GRK4: variants seen among roughly 807,000 people sequenced by gnomAD.
GRK4 encodes the protein G protein-coupled receptor kinase 4, also known as G protein-coupled receptor kinase 2-like.
In GRK4, 73 loss-of-function variants were observed where a neutral mutation model predicts 77.9. That is an observed-to-expected ratio of 0.94 (90% CI 0.78 to 1.14). The LOEUF (loss-of-function observed/expected upper bound fraction) is 1.14, where lower values mean the gene tolerates loss of function less well. Ranked by LOEUF, GRK4 falls within the 50% of genes most tolerant of loss-of-function variation. GRK4 has a pLI of 0.00. For missense variants in GRK4, 729 were observed against 700.2 expected, an observed-to-expected ratio of 1.04 and a Z score of -0.46; for synonymous variants, 257 against 254.4, an observed-to-expected ratio of 1.01 and a Z score of -0.10.
intron 10 of GRK4, among the ~76,000 whole-genome samples, chr4:3,026,007 G>A (rs183119553): frequency 1.3e-5 from 2 of 152,348 alleles, no homozygotes; most frequent in Admixed American, 1.3e-4. Flanking sequence ...TCCTGCAGGC[G>A]AACCTGACCT....
chr4:3,005,664 C>G (rs1731104991), intron 5 of GRK4, among the ~76,000 whole-genome samples: 1 of 152,050 alleles, frequency 6.6e-6, no homozygotes, highest in Non-Finnish European at 1.5e-5. Flanking sequence ...ATTAGCCAGG[C>G]CTGGGGGTGT....
At chr4:2,984,823 T>A (rs1474097079) in intron 2 of GRK4, among the ~76,000 whole-genome samples, 1 of 152,036 alleles carries the variant, frequency 6.6e-6, no homozygotes, top group Non-Finnish European at 1.5e-5. Flanking sequence ...AAATATATAT[T>A]TTTTATAGAG....
chr4:3,025,879 C>T (rs998823745), intron 10 of GRK4, among the ~76,000 whole-genome samples: 1 of 152,184 alleles, frequency 6.6e-6, no homozygotes, highest in Non-Finnish European at 1.5e-5. Context: ...GTTCCCCACT[C>T]ATTTCTTAAA....
intron 1 of GRK4, chr4:2,971,081 C>A (rs146378412): frequency 1.2e-4 from 19 of 152,238 alleles, no homozygotes; most frequent in African/African-American, 4.6e-4. Flanking sequence ...TCAAAAAACT[C>A]TAGAATTAGG....
intron 10 of GRK4, among the ~76,000 whole-genome samples, chr4:3,025,048 A>G (rs1157303322): frequency 6.6e-6 from 1 of 151,912 alleles, no homozygotes; most frequent in Non-Finnish European, 1.5e-5. Flanking sequence ...AGGCAGGTGG[A>G]TCACCTGAAG....
chr4:2,984,821 A>G (rs1463412795), intron 2 of GRK4, among the ~76,000 whole-genome samples: 2 of 151,916 alleles, frequency 1.3e-5, no homozygotes, highest in African/African-American at 2.4e-5. Flanking sequence ...AAAAATATAT[A>G]TTTTTTATAG....
chr4:2,975,424 G>A (rs1303866138), intron 1 of GRK4, among the ~76,000 whole-genome samples: 4 of 152,180 alleles, frequency 2.6e-5, no homozygotes, highest in Admixed American at 2.6e-4. Context: ...ATATACCGTG[G>A]GGGAGCAGAG....
chr4:2,977,289 A>G (rs61791216), intron 1 of GRK4, among the ~76,000 whole-genome samples: 1 of 152,122 alleles, frequency 6.6e-6, no homozygotes, highest in Non-Finnish European at 1.5e-5. Context: ...TGTTTGCTAG[A>G]GCGTGGGGCT....
At chr4:2,984,653 T>C (rs375602686) in intron 2 of GRK4, 45 bp downstream of exon 2, 2 of 1,006,610 alleles carry the variant, frequency 2.0e-6, no homozygotes, top group Non-Finnish European at 3.0e-6. Context: ...ACATCTGGCA[T>C]GATACCATTC....
intron 7 of GRK4, among the ~76,000 whole-genome samples, chr4:3,011,325 A>G (rs1732852598): frequency 6.6e-6 from 1 of 152,200 alleles, no homozygotes; most frequent in Admixed American, 6.5e-5. Context: ...TCACGCCTGT[A>G]ATCCTAGCAC....
At chr4:3,039,978 T>C (rs1741946381) in intron 15 of GRK4, among the ~76,000 whole-genome samples, 1 of 152,120 alleles carries the variant, frequency 6.6e-6, no homozygotes, top group Non-Finnish European at 1.5e-5. Flanking sequence ...GTGAAGCCCA[T>C]TCTCCCCACA....
At chr4:2,988,246 TC>T (rs941224368) in intron 2 of GRK4, among the ~76,000 whole-genome samples, 3 of 152,054 alleles carry the variant, frequency 2.0e-5, no homozygotes, top group Non-Finnish European at 4.4e-5. Flanking sequence ...TCTTTATTTT[TC>T]ATTGAATCTA....
At chr4:3,019,078 G>A (rs1481909540) in intron 8 of GRK4, among the ~76,000 whole-genome samples, 1 of 152,028 alleles carries the variant, frequency 6.6e-6, no homozygotes, top group Non-Finnish European at 1.5e-5. Context: ...TAGAAAAATG[G>A]GGGGAAAATA....
At chr4:3,027,003 G>A (rs1737766898) in intron 10 of GRK4, among the ~76,000 whole-genome samples, 1 of 152,158 alleles carries the variant, frequency 6.6e-6, no homozygotes, top group Admixed American at 6.5e-5. Context: ...TTCCAGGGCT[G>A]GCTAATCTTT....
In GRK4 at chr4:3,016,578, G is replaced by A. The variant is rs528097774; in HGVS notation, c.741+2750G>A. Among the ~76,000 whole-genome samples, 6 of 140,810 alleles carry A rather than the reference G, an allele frequency of 4.3e-5. No homozygotes were observed. The South Asian group carries it at 8.7e-4, about 20-fold the overall frequency. 92.4% of individuals were successfully genotyped at this position (140,810 alleles called of 152,430 possible). ...TAGCCAGGCATGGTGGTGTGTGACT[G>A]TAGTCCCAGCTACTCAGAAGGCTGT... On this transcript the variant is annotated intron_variant, in intron 8 of 15. Transcript: ENST00000398052.
intron 9 of GRK4, among the ~76,000 whole-genome samples, chr4:3,020,990 G>C (rs1218969361): frequency 2.6e-5 from 4 of 152,064 alleles, no homozygotes; most frequent in African/African-American, 9.7e-5. Flanking sequence ...AGGTTATATG[G>C]AAATTTTGCA....
At chr4:3,035,578 G>T in intron 13 of GRK4, 55 bp downstream of exon 13, 1 of 1,530,586 alleles carries the variant, frequency 6.5e-7, no homozygotes, top group South Asian at 1.3e-5. Flanking sequence ...CGCACAGCAC[G>T]GTTTTTCTCT....
chr4:2,999,251 T>TG (rs1467219962), intron 4 of GRK4, among the ~76,000 whole-genome samples: 2 of 151,944 alleles, frequency 1.3e-5, no homozygotes, highest in African/African-American at 4.8e-5. Flanking sequence ...CACGCCTGGG[T>TG]GGGGAGTGGT....
intron 1 of GRK4, chr4:2,965,186 C>G (rs1316041798): frequency 1.5e-6 from 1 of 671,388 alleles, no homozygotes; most frequent in Non-Finnish European, 2.7e-6. Context: ...ATCCACTGAG[C>G]TGGTGCGTAC....
Sources: gnomAD v4.1 joint callset for allele counts (sites outside exome capture counted in the v4.1 genomes callset) on GRCh38, gnomAD v4.1.1 for gene constraint, MANE v1.5 for transcripts, NCBI Gene and HGNC (gene_info 2026-07-23, HGNC 2026-07-21) for gene names.